Variants in EML6 observed in about 807,000 individuals in gnomAD.
EML6 encodes echinoderm microtubule-associated protein-like 6.
Under a neutral mutation model 240.1 loss-of-function variants are expected in EML6, and 154 were observed. The ratio of observed to expected loss-of-function variants is 0.64; its 90% CI spans 0.56 to 0.73. EML6 has a LOEUF of 0.73. Ranked by LOEUF, EML6 falls within the 30% of genes least tolerant of loss-of-function variation. The pLI is 0.00. For missense variants in EML6, 2,964 were observed against 2,474.6 expected (o/e 1.20, Z -4.20); for synonymous variants, 1,148 against 899.0 (o/e 1.28, Z -4.95).
At chr2:54,802,662 A>ACTACTACTACTG (rs1199239601) in intron 2 of EML6, among the ~76,000 whole-genome samples, 6 of 145,650 alleles carry the variant, frequency 4.1e-5, no homozygotes, top group African/African-American at 5.3e-5. Context: ...TACTACTACT[A>ACTACTACTACTG]CTACTGCTAC....
intron 2 of EML6, among the ~76,000 whole-genome samples, chr2:54,740,015 G>T (rs753448460): frequency 6.6e-6 from 1 of 152,214 alleles, no homozygotes; most frequent in East Asian, 1.9e-4. Context: ...GACTTAGTCA[G>T]CTGGTTGAAT....
rs1682840566 is a variant in EML6 at position 54,725,021 on chromosome 2, C to CGGCGCGCGGGGGGGCGGGG, written c.-29_-11dup. ...GCCCCAGCCTCGGCGAGGACGGCCC[C>CGGCGCGCGGGGGGGCGGGG]GGCGCGCGGGGGGGCGGGGGGCGCG... On this transcript the variant is annotated 5_prime_UTR_variant, in exon 2 of 42. Coordinates refer to ENST00000356458, the MANE Select transcript of EML6 (RefSeq NM_001039753.4). The surrounding 1 kb of genome is among the most constrained non-coding windows in gnomAD (Gnocchi z 4.3). 3 of 1,459,354 alleles carry CGGCGCGCGGGGGGGCGGGG rather than the reference C, an allele frequency of 2.1e-6. No individual in the cohort carries two copies. The highest frequency in any genetic ancestry group is 1.5e-5 in the African/African-American group (1 of 67,286). The allele number at this position is 1,459,354 out of a possible 1,614,324, so 90.4% of individuals were successfully genotyped here.
At chr2:54,750,993 A>G (rs1684137492) in intron 2 of EML6, among the ~76,000 whole-genome samples, 1 of 152,198 alleles carries the variant, frequency 6.6e-6, no homozygotes. Context: ...TTACTAAAAC[A>G]ATATGTATTT....
intron 11 of EML6, among the ~76,000 whole-genome samples, chr2:54,858,823 A>G (rs962906678): frequency 2.6e-5 from 4 of 152,232 alleles, no homozygotes; most frequent in Non-Finnish European, 5.9e-5. Flanking sequence ...AAGGGATTTC[A>G]TTTAGAGAAA....
chr2:54,901,850 G>A (rs370985615), intron 22 of EML6, among the ~76,000 whole-genome samples: 1 of 152,176 alleles, frequency 6.6e-6, no homozygotes, highest in South Asian at 2.1e-4. Flanking sequence ...GGTGGCAGAG[G>A]GTAGGCATGT....
intron 24 of EML6, 75 bp from the exon 25 acceptor site, chr2:54,910,879 C>T (rs1003480683): frequency 4.2e-6 from 3 of 706,510 alleles, no homozygotes; most frequent in African/African-American, 1.8e-5. Context: ...CAAAATAGCA[C>T]CCATGCTTCT....
intron 17 of EML6, among the ~76,000 whole-genome samples, chr2:54,888,834 G>A (rs1672299655): frequency 1.3e-5 from 2 of 152,114 alleles, no homozygotes; most frequent in African/African-American, 2.4e-5. Flanking sequence ...CCATGTGCAG[G>A]TTTCTGTGTG....
At chr2:54,850,271 G>C in intron 10 of EML6, 53 bp downstream of exon 10, 2 of 1,502,078 alleles carry the variant, frequency 1.3e-6, no homozygotes, top group East Asian at 2.5e-5. Context: ...TTTGAACCAG[G>C]TGAAGGAAAT....
chr2:54,836,267 A>T (rs1669136687), intron 7 of EML6, among the ~76,000 whole-genome samples: 1 of 152,030 alleles, frequency 6.6e-6, no homozygotes, highest in Non-Finnish European at 1.5e-5. Flanking sequence ...CCTTATGTAA[A>T]AGCTAGCCTG....
intron 33 of EML6, among the ~76,000 whole-genome samples, chr2:54,958,498 T>A (rs2104519684): frequency 6.6e-6 from 1 of 152,144 alleles, no homozygotes; most frequent in East Asian, 1.9e-4. Context: ...GGCCAATATT[T>A]TTTTTTTCTT....
chr2:54,931,192 C>T (rs1220479202), intron 28 of EML6, among the ~76,000 whole-genome samples: 3 of 151,852 alleles, frequency 2.0e-5, no homozygotes, highest in East Asian at 1.9e-4. Context: ...CTCCTGACCT[C>T]GTGATCCGCC....
At chr2:54,943,416 C>G (rs749003511) in intron 28 of EML6, among the ~76,000 whole-genome samples, 1 of 151,512 alleles carries the variant, frequency 6.6e-6, no homozygotes, top group African/African-American at 2.4e-5. Flanking sequence ...CCCAGTTTCC[C>G]ACCTCCACCC....
rs547396199 is a variant in EML6, at chr2:54,904,870, G to A, written c.3409+1368G>A. On this transcript the variant is annotated intron_variant, in intron 24 of 41. Transcript: ENST00000356458. ...ATTTCAGAGTATTTCTTGGAGTAGT[G>A]GCCATAGACCAGGACTTGGAAACCC... is the stretch of plus-strand genomic sequence containing the variant. Among the ~76,000 whole-genome samples, 16 of 152,288 alleles carry A rather than the reference G, an allele frequency of 1.1e-4. No individual in the cohort carries two copies. The South Asian group carries it at 1.9e-3, about 18-fold the overall frequency.
rs1261154918 is a variant in EML6, at chr2:54,957,776, T to C, written c.4487-14T>C. Reference sequence around the variant, plus strand: ...AGCAATGAGGAGCCTCACTGGACTCTGTCACCCACACAGGTGCCAAGGTTG... The same window carrying C: ...AGCAATGAGGAGCCTCACTGGACTCCGTCACCCACACAGGTGCCAAGGTTG... On this transcript the variant is annotated splice_polypyrimidine_tract_variant and intron_variant, in intron 32 of 41. Coordinates refer to ENST00000356458, the MANE Select transcript of EML6 (RefSeq NM_001039753.4). The C allele has an allele frequency of 4.5e-6, 7 of 1,549,486 alleles. No homozygotes were observed. The South Asian group carries it at 7.1e-5, about 16-fold the overall frequency.
chr2:54,915,002 G>T (rs1673834871), intron 25 of EML6, among the ~76,000 whole-genome samples: 1 of 152,114 alleles, frequency 6.6e-6, no homozygotes, highest in Admixed American at 6.5e-5. Context: ...CTGTCTGTGG[G>T]CCTCAGTTGC....
At chr2:54,744,434 A>G (rs1461885456) in intron 2 of EML6, among the ~76,000 whole-genome samples, 2 of 152,126 alleles carry the variant, frequency 1.3e-5, no homozygotes. Flanking sequence ...TGCGGAGGTG[A>G]GCCATGGAAG....
intron 2 of EML6, among the ~76,000 whole-genome samples, chr2:54,799,448 C>A (rs537647316): frequency 6.6e-6 from 1 of 150,454 alleles, no homozygotes; most frequent in Non-Finnish European, 1.5e-5. Context: ...CTGATTCAAG[C>A]GATTCTCCTG....
chr2:54,727,191 G>GCT (rs1553366711), intron 2 of EML6, among the ~76,000 whole-genome samples: 5 of 150,812 alleles, frequency 3.3e-5, no homozygotes, highest in African/African-American at 9.8e-5. Context: ...GGGAAAAAGA[G>GCT]ACAGTTAGCA....
At chr2:54,798,921 C>G (rs376027818) in intron 2 of EML6, among the ~76,000 whole-genome samples, 1 of 152,080 alleles carries the variant, frequency 6.6e-6, no homozygotes, top group African/African-American at 2.4e-5. Flanking sequence ...TTCATAGTTG[C>G]CTTTTATTAG....
Sources: gnomAD v4.1 joint callset for allele counts (sites outside exome capture counted in the v4.1 genomes callset) on GRCh38, gnomAD v4.1.1 for gene constraint, Gnocchi (gnomAD v3.1) non-coding constraint, MANE v1.5 for transcripts, NCBI Gene and HGNC (gene_info 2026-07-23, HGNC 2026-07-21) for gene names.